The following SMC3 variants were observed in gnomAD, a reference collection of about 807,000 sequenced individuals.
SMC3 encodes the protein structural maintenance of chromosomes 3.
Under a neutral mutation model 171.8 loss-of-function variants are expected in SMC3, and 20 were observed. That is an observed-to-expected ratio of 0.12 (90% CI 0.08 to 0.17). The LOEUF is 0.17. Ranked by LOEUF, SMC3 falls within the 10% of genes least tolerant of loss-of-function variation. The probability of loss-of-function intolerance (pLI) is 1.00; values close to 1 mark genes in which losing one functional copy is unlikely to be tolerated. For synonymous variants in SMC3, 464 were observed against 451.1 expected (o/e 1.03, Z -0.36); for missense variants, 543 against 1,420.4 (o/e 0.38, Z 9.93).
chr10:110,593,276 A>C lies in SMC3; in HGVS notation c.1963+53A>C, dbSNP rs781777054. 35 of 1,578,496 alleles carry C rather than the reference A, an allele frequency of 2.2e-5. No homozygotes were observed. The East Asian group carries it at 7.4e-4, about 33-fold the overall frequency. On this transcript the variant is annotated intron_variant, in intron 18 of 28. Coordinates refer to ENST00000361804, the MANE Select transcript of SMC3 (RefSeq NM_005445.4). ...ACAGATAAATTCTAACAAATCATTT[A>C]AAACATATAATCTGGCTGGGCGCAG...
chr10:110,572,903 T>G (rs1408609572), intron 2 of SMC3, among the ~76,000 whole-genome samples: 5 of 152,190 alleles, frequency 3.3e-5, no homozygotes, highest in Admixed American at 1.3e-4. Context: ...TATAATTTAT[T>G]TGGCCATTTT....
rs1245753229 is a variant in SMC3, at chr10:110,601,010, T to A, written c.2536-12T>A. ...CATTTGAAACTAATGGAATTTGTAT[T>A]TTTTGTTACAGGAACTTAATGAGCT... On this transcript the variant is annotated splice_polypyrimidine_tract_variant and intron_variant, in intron 22 of 28. Coordinates refer to ENST00000361804, the MANE Select transcript of SMC3 (RefSeq NM_005445.4). The A allele has an allele frequency of 6.3e-7, 1 of 1,598,402 alleles. No homozygotes were observed. The highest frequency in any genetic ancestry group is 8.6e-7 in the Non-Finnish European group (1 of 1,165,986).
At chr10:110,582,777 T>G (rs1161317904) in intron 10 of SMC3, 135 bp downstream of exon 10, 2 of 702,650 alleles carry the variant, frequency 2.8e-6, no homozygotes, top group Non-Finnish European at 5.2e-6. Flanking sequence ...CAGGCAATCC[T>G]CTTGCCGCAG....
chr10:110,591,931 A>C (rs1018208716), intron 17 of SMC3, among the ~76,000 whole-genome samples: 7 of 152,152 alleles, frequency 4.6e-5, no homozygotes, highest in Non-Finnish European at 1.0e-4. Flanking sequence ...GACACAAAGG[A>C]GTACATGGAG....
chr10:110,573,994 G>A (rs1198939403), intron 3 of SMC3, among the ~76,000 whole-genome samples: 1 of 152,168 alleles, frequency 6.6e-6, no homozygotes, highest in Admixed American at 6.5e-5. Context: ...CTTTAAAAAT[G>A]GAGATGTTTG....
intron 13 of SMC3, among the ~76,000 whole-genome samples, chr10:110,588,967 T>C (rs7084099): frequency 6.6e-6 from 1 of 151,924 alleles, no homozygotes; most frequent in Non-Finnish European, 1.5e-5. Context: ...AATTCTGGAG[T>C]GTATATTATA....
intron 19 of SMC3, among the ~76,000 whole-genome samples, 199 bp from the exon 20 acceptor site, chr10:110,597,940 G>A (rs1564794710): frequency 6.6e-6 from 1 of 152,148 alleles, no homozygotes; most frequent in Non-Finnish European, 1.5e-5. Flanking sequence ...GTGAAATGGG[G>A]TGAAATGTTT....
chr10:110,592,999 A>C (rs1177196094), intron 17 of SMC3, 74 bp from the exon 18 acceptor site: 59 of 1,212,610 alleles, frequency 4.9e-5, no homozygotes, highest in Non-Finnish European at 1.2e-5. Context: ...TATTTCATAA[A>C]GATGTAATTT....
At chr10:110,601,523 T>G (rs1861387148) in intron 23 of SMC3, 114 bp from the exon 24 acceptor site, 5 of 1,157,866 alleles carry the variant, frequency 4.3e-6, no homozygotes, top group Non-Finnish European at 6.2e-6. Flanking sequence ...ACAGAAAATT[T>G]TAAACACAAA....
chr10:110,598,100 A>G, intron 19 of SMC3, 39 bp from the exon 20 acceptor site: 1 of 1,588,928 alleles, frequency 6.3e-7, no homozygotes. Flanking sequence ...CATACGATAT[A>G]TTTACAACCT....
chr10:110,585,708 T>C (rs1861102396), intron 13 of SMC3, among the ~76,000 whole-genome samples: 1 of 151,874 alleles, frequency 6.6e-6, no homozygotes, highest in Non-Finnish European at 1.5e-5. Context: ...TCTTGACTTT[T>C]GGGACTTGAC....
intron 4 of SMC3, among the ~76,000 whole-genome samples, chr10:110,576,075 A>G (rs528990119): frequency 6.6e-6 from 1 of 152,352 alleles, no homozygotes; most frequent in South Asian, 2.1e-4. Flanking sequence ...TAATAAACCT[A>G]TCATAAACTG....
chr10:110,589,955 AAAG>A lies in SMC3; in HGVS notation c.1477_1479del (p.Lys493del). 2.5e-6 allele frequency: 4 copies of A among 1,614,056 alleles called. No homozygotes were observed. The highest frequency in any genetic ancestry group is 3.4e-6 in the Non-Finnish European group (4 of 1,179,998). ...TTGCTGCTAAAAGAGAAGATCTTGAAAAGAAGCAACAACTTCTTAGAGCAGCAA... is the reference window on the plus strand; with the variant it reads ...TTGCTGCTAAAAGAGAAGATCTTGAAAAGCAACAACTTCTTAGAGCAGCAA... On this transcript the variant is annotated inframe_deletion, in exon 15 of 29. Transcript: ENST00000361804.
At position 110,567,695 on chromosome 10, in the gene SMC3, G is replaced by A. The variant is rs888606691; in HGVS notation, c.-122G>A. On this transcript the variant is annotated 5_prime_UTR_variant, in exon 1 of 29. Coordinates refer to ENST00000361804, the MANE Select transcript of SMC3 (RefSeq NM_005445.4). Reference sequence around the variant, plus strand: ...CCGCCCCCACGAGCGCCGCCATTTTGTTTGGCTGAGGGGAGCGAGCGGCGC... The same window carrying A: ...CCGCCCCCACGAGCGCCGCCATTTTATTTGGCTGAGGGGAGCGAGCGGCGC... The A allele has an allele frequency of 4.6e-5, 57 of 1,227,838 alleles. No individual in the cohort carries two copies. Among genetic ancestry groups the A allele is most frequent in the Admixed American group, 2.8e-4 (15 of 53,116 alleles). The allele number at this position is 1,227,838 out of a possible 1,614,324, so 76.1% of individuals were successfully genotyped here.
intron 13 of SMC3, among the ~76,000 whole-genome samples, chr10:110,587,288 C>T (rs944495784): frequency 2.0e-5 from 3 of 152,112 alleles, no homozygotes; most frequent in African/African-American, 7.2e-5. Flanking sequence ...ATATAGGTAG[C>T]TTACTTTATT....
intron 2 of SMC3, among the ~76,000 whole-genome samples, chr10:110,572,824 T>C (rs1860891219): frequency 6.6e-6 from 1 of 152,150 alleles, no homozygotes; most frequent in African/African-American, 2.4e-5. Flanking sequence ...ATTCTCCTCC[T>C]TCCTTACCTA....
chr10:110,600,200 A>G lies in SMC3; in HGVS notation c.2428-239A>G, dbSNP rs1030893841. ...ACCAACACCGATTCTAAAAAATGAA[A>G]AGCATTTAAAGAAACTGTTTTTGAC... On this transcript the variant is annotated intron_variant, in intron 21 of 28. Transcript: ENST00000361804. Among the ~76,000 whole-genome samples the G allele has an allele frequency of 2.6e-5, 4 of 152,360 alleles. No homozygotes were observed. In the East Asian group the frequency reaches 7.7e-4, roughly 29 times the overall value.
At chr10:110,585,584 C>T (rs111810634) in intron 13 of SMC3, among the ~76,000 whole-genome samples, 17,648 of 151,202 alleles carry the variant, frequency 0.12, 1,207 homozygotes, top group East Asian at 0.26. Flanking sequence ...CCACCATGCC[C>T]GGTGTAATTT....
chr10:110,592,278 A>AAT (rs779473596), intron 17 of SMC3, among the ~76,000 whole-genome samples: 4 of 131,050 alleles, frequency 3.1e-5, no homozygotes, highest in African/African-American at 1.1e-4. Flanking sequence ...AAAAAAAAAA[A>AAT]TTTTATAGAA....
Sources: allele counts gnomAD v4.1 joint callset (sites outside exome capture counted in the v4.1 genomes callset), GRCh38; gene constraint gnomAD v4.1.1; transcripts MANE v1.5; gene names NCBI Gene and HGNC (gene_info 2026-07-23, HGNC 2026-07-21).